The following AGAP1 variants were observed in gnomAD, a reference collection of about 807,000 sequenced individuals.
AGAP1 encodes ArfGAP with GTPase domain, ankyrin repeat and PH domain 1.
Under a neutral mutation model 105.3 loss-of-function variants are expected in AGAP1, and 29 were observed. The observed-to-expected ratio is 0.28, with a 90% CI of 0.21 to 0.38. The LOEUF (loss-of-function observed/expected upper bound fraction) is 0.38, where lower values mean the gene tolerates loss of function less well. Ranked by LOEUF, AGAP1 falls within the 10% of genes least tolerant of loss-of-function variation. The pLI is 1.00. For synonymous variants in AGAP1, 509 were observed against 485.9 expected (o/e 1.05, Z -0.63); for missense variants, 998 against 1,165.1 (o/e 0.86, Z 2.09).
chr2:235,780,455 T>C (rs1956192456), intron 6 of AGAP1, among the ~76,000 whole-genome samples: 1 of 152,016 alleles, frequency 6.6e-6, no homozygotes, highest in African/African-American at 2.4e-5. Flanking sequence ...GTTTTTTATT[T>C]TTTTGGAGAA....
At chr2:235,592,548 C>T (rs965668942) in intron 1 of AGAP1, among the ~76,000 whole-genome samples, 3 of 152,100 alleles carry the variant, frequency 2.0e-5, no homozygotes, top group Admixed American at 6.5e-5. Context: ...CTTGGAGGTT[C>T]TCCCTAAGGA....
In AGAP1 at chr2:236,121,761, C is replaced by T. The variant is rs1215170645; in HGVS notation, c.2370+1314C>T. ...GTGCTAGGGCTGCCATAACAAAATA[C>T]CACAGACAGGGGTGCTTCAACAACA... On this transcript the variant is annotated intron_variant, in intron 17 of 17. Transcript: ENST00000304032. The surrounding 1 kb of genome is among the most constrained non-coding windows in gnomAD (Gnocchi z 4.9). Among the ~76,000 whole-genome samples, 1 of 152,156 alleles carries T rather than the reference C, an allele frequency of 6.6e-6. No homozygotes were observed. The highest frequency in any genetic ancestry group is 1.5e-5 in the Non-Finnish European group (1 of 68,046).
chr2:235,791,372 AG>A (rs1456977415), intron 6 of AGAP1, among the ~76,000 whole-genome samples: 1 of 152,166 alleles, frequency 6.6e-6, no homozygotes, highest in Non-Finnish European at 1.5e-5. Flanking sequence ...GAGGGTCTCC[AG>A]GTAAGCCCCC....
In AGAP1 at chr2:235,555,333, G is replaced by A. The variant is rs913210223; in HGVS notation, c.163+60484G>A. ...AGTGTCTGAGTAAAGGCAGTCCCCA[G>A]TCCAGTCTGCAAAGCCTGGCCACTT... On this transcript the variant is annotated intron_variant, in intron 1 of 17. Transcript: ENST00000304032. This position sits in a 1 kb window ranked among gnomAD's most constrained non-coding sequence, Gnocchi z 5.1. Among the ~76,000 whole-genome samples, 2 of 152,158 alleles carry A rather than the reference G, an allele frequency of 1.3e-5. No homozygotes were observed. The highest frequency in any genetic ancestry group is 4.8e-5 in the African/African-American group (2 of 41,436).
chr2:235,629,245 T>C (rs1946741418), intron 1 of AGAP1, among the ~76,000 whole-genome samples: 1 of 151,752 alleles, frequency 6.6e-6, no homozygotes, highest in African/African-American at 2.4e-5. Context: ...AATTCATTCC[T>C]TCTTAAGGCT....
chr2:235,656,199 T>A (rs1234503576), intron 1 of AGAP1, among the ~76,000 whole-genome samples: 8 of 152,190 alleles, frequency 5.3e-5, no homozygotes. Context: ...CTTTGTACCT[T>A]GATGGAGACA....
At position 235,733,069 on chromosome 2, in the gene AGAP1, C is replaced by T. The variant is rs1437533261; in HGVS notation, c.311-7894C>T. On this transcript the variant is annotated intron_variant, in intron 3 of 17. Transcript: ENST00000304032. The surrounding 1 kb of genome is among the most constrained non-coding windows in gnomAD (Gnocchi z 5.0). Reference sequence around the variant, plus strand: ...CTGCCTCCCGTTGAAAGAGTCTGCCCTTCTTTAGGGACCAGGGCTCTGCTC... The same window carrying T: ...CTGCCTCCCGTTGAAAGAGTCTGCCTTTCTTTAGGGACCAGGGCTCTGCTC... 6.6e-6 allele frequency among the ~76,000 whole-genome samples: 1 copy of T among 152,208 alleles called. No homozygotes were observed. Among genetic ancestry groups the T allele is most frequent in the Non-Finnish European group, 1.5e-5 (1 of 68,028 alleles).
chr2:235,917,006 T>C (rs893809517), intron 11 of AGAP1, among the ~76,000 whole-genome samples: 7 of 152,246 alleles, frequency 4.6e-5, no homozygotes, highest in African/African-American at 1.7e-4. Flanking sequence ...CTTTATTCTG[T>C]AACTCCTGGT....
chr2:235,833,083 GAAGAGACA>G (rs200655159), intron 9 of AGAP1, among the ~76,000 whole-genome samples: 1,968 of 152,356 alleles, frequency 0.013, 37 homozygotes, highest in South Asian at 0.082. Context: ...GAGCATGGTA[GAAGAGACA>G]AGCCGGAGAG....
At chr2:236,065,133 G>A (rs1171181121) in intron 16 of AGAP1, among the ~76,000 whole-genome samples, 1 of 152,246 alleles carries the variant, frequency 6.6e-6, no homozygotes, top group Non-Finnish European at 1.5e-5. Context: ...AGGCTTACGT[G>A]CTGCCTTCAT....
intron 12 of AGAP1, among the ~76,000 whole-genome samples, chr2:235,955,822 T>C (rs2053923479): frequency 6.6e-6 from 1 of 152,138 alleles, no homozygotes; most frequent in Admixed American, 6.6e-5. Flanking sequence ...GGTGTATTGC[T>C]GTACCTTGAG....
chr2:235,511,376 G>A (rs1290857588), intron 1 of AGAP1, among the ~76,000 whole-genome samples: 1 of 152,084 alleles, frequency 6.6e-6, no homozygotes. Flanking sequence ...CCTGGGGTCT[G>A]AGCCAGGCCC....
At position 235,621,749 on chromosome 2, in the gene AGAP1, A is replaced by G. The variant is rs1205612167; in HGVS notation, c.164-87430A>G. ...GTTTATGTCCTAAGGATTTGAAGATAGAAGAGGCACAGCAGTCACTTGGGA... is the reference window on the plus strand; with the variant it reads ...GTTTATGTCCTAAGGATTTGAAGATGGAAGAGGCACAGCAGTCACTTGGGA... On this transcript the variant is annotated intron_variant, in intron 1 of 17. Transcript: ENST00000304032. The surrounding 1 kb of genome is among the most constrained non-coding windows in gnomAD (Gnocchi z 4.1). 1.3e-5 allele frequency among the ~76,000 whole-genome samples: 2 copies of G among 152,240 alleles called. No individual in the cohort carries two copies. Among genetic ancestry groups the G allele is most frequent in the East Asian group, 1.9e-4 (1 of 5,198 alleles).
At chr2:235,828,964 C>T (rs1480603838) in intron 9 of AGAP1, among the ~76,000 whole-genome samples, 1 of 152,188 alleles carries the variant, frequency 6.6e-6, no homozygotes. Context: ...TTTTGGGGGT[C>T]AGGTGTCATT....
intron 2 of AGAP1, among the ~76,000 whole-genome samples, chr2:235,713,854 C>T (rs1033543556): frequency 2.0e-5 from 3 of 152,288 alleles, no homozygotes; most frequent in East Asian, 1.9e-4. Flanking sequence ...CTTGCTGGTT[C>T]GTAGGTGGCA....
chr2:235,941,664 C>G (rs2053262601), intron 12 of AGAP1, among the ~76,000 whole-genome samples: 1 of 152,154 alleles, frequency 6.6e-6, no homozygotes, highest in African/African-American at 2.4e-5. Flanking sequence ...ATTCACTTGA[C>G]AAATATATAA....
chr2:235,995,908 G>T (rs1395629244), intron 13 of AGAP1, among the ~76,000 whole-genome samples: 1 of 152,148 alleles, frequency 6.6e-6, no homozygotes, highest in Non-Finnish European at 1.5e-5. Context: ...TTGTGCAGTG[G>T]GTTTGGAGGT....
intron 9 of AGAP1, among the ~76,000 whole-genome samples, chr2:235,858,058 T>C (rs1285811312): frequency 6.6e-6 from 1 of 152,188 alleles, no homozygotes; most frequent in East Asian, 1.9e-4. Flanking sequence ...CGGGAGAATG[T>C]GTATCTTAAT....
intron 1 of AGAP1, among the ~76,000 whole-genome samples, chr2:235,685,935 G>A (rs1368831025): frequency 2.0e-5 from 3 of 152,136 alleles, no homozygotes; most frequent in Non-Finnish European, 4.4e-5. Context: ...AGAAAGGCAG[G>A]ACCACTCAAA....
Sources: allele counts gnomAD v4.1 joint callset (sites outside exome capture counted in the v4.1 genomes callset), GRCh38; gene constraint gnomAD v4.1.1; non-coding constraint Gnocchi (gnomAD v3.1); transcripts MANE v1.5; gene names NCBI Gene and HGNC (gene_info 2026-07-23, HGNC 2026-07-21).